MEIS2: variants seen among roughly 807,000 people sequenced by gnomAD.
MEIS2 encodes Meis homeobox 2.
MEIS2 carries 9 observed loss-of-function variants against 58.6 expected under a neutral mutation model. The ratio of observed to expected loss-of-function variants is 0.15; its 90% confidence interval spans 0.09 to 0.27. The LOEUF is 0.27. Among genes scored for constraint, MEIS2 ranks in the 10% least tolerant of loss-of-function variants. The pLI, the probability that MEIS2 is intolerant of heterozygous loss-of-function variation, is 1.00. For missense variants in MEIS2, 427 were observed against 635.0 expected, an observed-to-expected ratio of 0.67 and a Z score of 3.52; for synonymous variants, 221 against 228.4, an observed-to-expected ratio of 0.97 and a Z score of 0.29.
At chr15:36,973,656 C>CT (rs2059644199) in intron 8 of MEIS2, among the ~76,000 whole-genome samples, 1 of 152,080 alleles carries the variant, frequency 6.6e-6, no homozygotes, top group Non-Finnish European at 1.5e-5. Flanking sequence ...AGGTTTGGTG[C>CT]TTTGCACATA....
chr15:37,072,827 C>T (rs372888100), intron 7 of MEIS2, among the ~76,000 whole-genome samples: 1 of 152,052 alleles, frequency 6.6e-6, no homozygotes, highest in Non-Finnish European at 1.5e-5. Flanking sequence ...ATCCCTCCCC[C>T]CTTCCCCCAC....
rs535975857 is a variant in MEIS2, at chr15:36,929,401, T to C, written c.977+20923A>G. Among the ~76,000 whole-genome samples the C allele has an allele frequency of 8.3e-4, 126 of 152,346 alleles. 1 individual carries two copies. The highest frequency in any genetic ancestry group is 2.8e-3 in the African/African-American group (117 of 41,580). ...ACTTCCTTGTGCATGCAACTATTTT[T>C]CTCATTTTAGATTTTATTTTCTCCC... On this transcript the variant is annotated intron_variant, in intron 9 of 11. Coordinates refer to ENST00000561208, the MANE Select transcript of MEIS2 (RefSeq NM_170675.5).
At chr15:36,934,612 C>T (rs2058097097) in intron 9 of MEIS2, among the ~76,000 whole-genome samples, 1 of 152,194 alleles carries the variant, frequency 6.6e-6, no homozygotes, top group African/African-American at 2.4e-5. Flanking sequence ...AGTAATTGTA[C>T]TGGCTTTGTG....
intron 6 of MEIS2, among the ~76,000 whole-genome samples, chr15:37,092,567 G>A (rs1187905043): frequency 6.6e-6 from 1 of 151,884 alleles, no homozygotes; most frequent in Non-Finnish European, 1.5e-5. Context: ...CCCATTTCCA[G>A]GCTTGAGTTC....
At chr15:36,948,436 A>G (rs2058648350) in intron 9 of MEIS2, among the ~76,000 whole-genome samples, 1 of 152,004 alleles carries the variant, frequency 6.6e-6, no homozygotes, top group African/African-American at 2.4e-5. Flanking sequence ...TGCGAAGAGT[A>G]TATCAAAAAC....
At chr15:36,935,853 T>A (rs2058148512) in intron 9 of MEIS2, among the ~76,000 whole-genome samples, 1 of 152,120 alleles carries the variant, frequency 6.6e-6, no homozygotes, top group South Asian at 2.1e-4. Context: ...CTTTCCCACT[T>A]ATAATTTATT....
chr15:37,083,642 T>C (rs1313272782), intron 7 of MEIS2, 129 bp downstream of exon 7: 1 of 596,004 alleles, frequency 1.7e-6, no homozygotes, highest in African/African-American at 1.9e-5. Context: ...TCTCTTTAAA[T>C]AGCAGCTGAT....
chr15:37,053,552 T>C (rs890013691), intron 7 of MEIS2, among the ~76,000 whole-genome samples: 1 of 152,204 alleles, frequency 6.6e-6, no homozygotes, highest in Non-Finnish European at 1.5e-5. Flanking sequence ...ACTATTTATA[T>C]TCTGAGTCAT....
intron 9 of MEIS2, among the ~76,000 whole-genome samples, chr15:36,926,183 C>T (rs1352871068): frequency 2.0e-5 from 3 of 150,366 alleles, no homozygotes; most frequent in African/African-American, 4.9e-5. Flanking sequence ...AAAGGTCACT[C>T]TGTCCCTACT....
At chr15:37,079,846 AT>A (rs927564172) in intron 7 of MEIS2, among the ~76,000 whole-genome samples, 2 of 152,052 alleles carry the variant, frequency 1.3e-5, no homozygotes, top group Non-Finnish European at 2.9e-5. Context: ...AGCAATATAG[AT>A]TCTAGAATGC....
intron 7 of MEIS2, among the ~76,000 whole-genome samples, chr15:37,070,283 GATCC>G (rs1890526072): frequency 6.6e-6 from 1 of 152,130 alleles, no homozygotes; most frequent in African/African-American, 2.4e-5. Flanking sequence ...ATTGAAAATT[GATCC>G]TGAGCCCATG....
At position 37,093,544 on chromosome 15, in the gene MEIS2, G is replaced by A. The variant is rs1035167526; in HGVS notation, c.639+37C>T. Reference sequence around the variant, plus strand: ...CAAGGTTAAAATAATGCTTTGCCCAGTGGCCTTAAAAGATTGCTAAAGGCT... The same window carrying A: ...CAAGGTTAAAATAATGCTTTGCCCAATGGCCTTAAAAGATTGCTAAAGGCT... On this transcript the variant is annotated intron_variant, in intron 6 of 11. Coordinates refer to ENST00000561208, the MANE Select transcript of MEIS2 (RefSeq NM_170675.5). 3 of 1,610,450 alleles carry A rather than the reference G, an allele frequency of 1.9e-6. No homozygotes were observed. In the African/African-American group the frequency reaches 4.0e-5, roughly 22 times the overall value.
intron 11 of MEIS2, chr15:36,894,922 GAA>G: frequency 9.6e-7 from 1 of 1,046,364 alleles, no homozygotes; most frequent in Non-Finnish European, 1.5e-6. Context: ...GGTTTAAAAA[GAA>G]AAAAGAAAAA....
chr15:37,000,890 G>C (rs758361724), intron 8 of MEIS2, among the ~76,000 whole-genome samples: 4 of 152,106 alleles, frequency 2.6e-5, no homozygotes, highest in Non-Finnish European at 4.4e-5. Context: ...GGTCTTGAAA[G>C]AAAAGTCCAC....
intron 9 of MEIS2, among the ~76,000 whole-genome samples, chr15:36,911,233 A>G (rs2057007138): frequency 6.6e-6 from 1 of 152,126 alleles, no homozygotes; most frequent in South Asian, 2.1e-4. Flanking sequence ...CTGCTTCAAA[A>G]TAGCTGTTTG....
At chr15:36,946,197 G>A (rs755818584) in intron 9 of MEIS2, among the ~76,000 whole-genome samples, 10 of 151,958 alleles carry the variant, frequency 6.6e-5, no homozygotes, top group Admixed American at 1.3e-4. Flanking sequence ...TACTAAAGAT[G>A]TGTATAAATG....
At chr15:37,094,831 T>C (rs1893999449) in intron 4 of MEIS2, among the ~76,000 whole-genome samples, 2 of 151,886 alleles carry the variant, frequency 1.3e-5, no homozygotes, top group Non-Finnish European at 2.9e-5. Context: ...CCCCCTGATG[T>C]TCACTGTGCT....
intron 7 of MEIS2, among the ~76,000 whole-genome samples, chr15:37,049,462 GGTTTT>G (rs950939506): frequency 1.3e-5 from 2 of 149,840 alleles, no homozygotes; most frequent in African/African-American, 4.9e-5. Context: ...ATAAAGTTGT[GGTTTT>G]GTTTTTTTTG....
chr15:36,976,298 C>T (rs11632018), intron 8 of MEIS2, among the ~76,000 whole-genome samples: 3 of 151,646 alleles, frequency 2.0e-5, no homozygotes, highest in Admixed American at 6.6e-5. Flanking sequence ...GTTGGCCAGG[C>T]TGGTCTCGAA....
Sources: allele counts gnomAD v4.1 joint callset (sites outside exome capture counted in the v4.1 genomes callset), GRCh38; gene constraint gnomAD v4.1.1; transcripts MANE v1.5; gene names NCBI Gene and HGNC (gene_info 2026-07-23, HGNC 2026-07-21).